The following DSCAM variants were observed in gnomAD, a reference collection of about 807,000 sequenced individuals.
The protein encoded by DSCAM is cell adhesion molecule DSCAM.
A neutral mutation model predicts 217.7 loss-of-function variants in DSCAM; 47 were observed. That is an observed-to-expected ratio of 0.22 (90% CI 0.17 to 0.28). The LOEUF is 0.28. Among genes scored for constraint, DSCAM ranks in the 10% least tolerant of loss-of-function variants. The pLI, the probability that DSCAM is intolerant of heterozygous loss-of-function variation, is 1.00. For missense variants in DSCAM, 2,080 were observed against 2,618.3 expected (o/e 0.79, Z 4.49); for synonymous variants, 1,056 against 1,015.3 (o/e 1.04, Z -0.76).
intron 16 of DSCAM, among the ~76,000 whole-genome samples, chr21:40,153,115 A>T (rs1425676273): frequency 1.3e-5 from 2 of 152,130 alleles, no homozygotes; most frequent in Non-Finnish European, 2.9e-5. Context: ...AGTCTTTTTC[A>T]TCTTTGTGCG....
chr21:40,423,041 G>T (rs1483867245), intron 3 of DSCAM, among the ~76,000 whole-genome samples: 1 of 152,110 alleles, frequency 6.6e-6, no homozygotes, highest in Admixed American at 6.5e-5. Flanking sequence ...GAGCTAGAGG[G>T]GTTGACAGGC....
intron 3 of DSCAM, among the ~76,000 whole-genome samples, chr21:40,451,313 C>T (rs12481838): frequency 6.6e-6 from 1 of 152,096 alleles, no homozygotes; most frequent in Non-Finnish European, 1.5e-5. Context: ...CCCCATGGCA[C>T]TTTCTACTGG....
chr21:40,414,807 C>T (rs774950536), intron 3 of DSCAM, among the ~76,000 whole-genome samples: 14 of 152,104 alleles, frequency 9.2e-5, no homozygotes, highest in Non-Finnish European at 1.8e-4. Flanking sequence ...TCTGATAAAG[C>T]ACAAGGTAAG....
intron 32 of DSCAM, among the ~76,000 whole-genome samples, chr21:40,033,654 G>A (rs541989467): frequency 2.0e-5 from 3 of 151,822 alleles, no homozygotes; most frequent in Admixed American, 6.5e-5. Flanking sequence ...CAGGAAGCTC[G>A]AACTGGGTGG....
At chr21:40,179,949 A>G (rs1218069006) in intron 14 of DSCAM, among the ~76,000 whole-genome samples, 1 of 152,228 alleles carries the variant, frequency 6.6e-6, no homozygotes, top group Non-Finnish European at 1.5e-5. Context: ...GACAGTAGAC[A>G]GAGATGGTGC....
chr21:40,164,304 G>C (rs1488215700), intron 16 of DSCAM, among the ~76,000 whole-genome samples: 2 of 152,094 alleles, frequency 1.3e-5, no homozygotes, highest in Non-Finnish European at 2.9e-5. Flanking sequence ...CAAACTGCCT[G>C]AACACTGACA....
chr21:40,324,121 A>G (rs1356527446), intron 8 of DSCAM, among the ~76,000 whole-genome samples: 8 of 143,840 alleles, frequency 5.6e-5, no homozygotes, highest in East Asian at 2.0e-4. Context: ...AAAAAAAAAA[A>G]AAAAAAAAAA....
intron 3 of DSCAM, among the ~76,000 whole-genome samples, chr21:40,575,774 T>TA (rs201921213): frequency 0.04 from 5,805 of 145,376 alleles, 306 homozygotes; most frequent in African/African-American, 0.12. Context: ...CAAAATATAT[T>TA]AAAAAAAAAA....
intron 11 of DSCAM, among the ~76,000 whole-genome samples, chr21:40,219,793 GA>G (rs2091275150): frequency 6.6e-6 from 1 of 152,096 alleles, no homozygotes; most frequent in Admixed American, 6.6e-5. Flanking sequence ...GAAGTTAAAT[GA>G]ATTTTTTTGA....
At chr21:40,426,529 G>A (rs1383612799) in intron 3 of DSCAM, among the ~76,000 whole-genome samples, 1 of 152,070 alleles carries the variant, frequency 6.6e-6, no homozygotes, top group Non-Finnish European at 1.5e-5. Context: ...ATTGTTAAAG[G>A]TTCATAATGT....
intron 3 of DSCAM, among the ~76,000 whole-genome samples, chr21:40,533,316 A>G (rs2076464212): frequency 6.6e-6 from 1 of 152,250 alleles, no homozygotes; most frequent in Non-Finnish European, 1.5e-5. Context: ...TATTTTGCAT[A>G]TTCCAGGATA....
intron 30 of DSCAM, among the ~76,000 whole-genome samples, chr21:40,049,108 C>T (rs1451808180): frequency 1.3e-5 from 2 of 152,150 alleles, no homozygotes; most frequent in Non-Finnish European, 2.9e-5. Flanking sequence ...TGTTGGTAAA[C>T]ATCATTTAGT....
chr21:40,553,778 ATTTT>A (rs951009121), intron 3 of DSCAM, among the ~76,000 whole-genome samples: 2 of 151,968 alleles, frequency 1.3e-5, no homozygotes, highest in Non-Finnish European at 2.9e-5. Context: ...CTTCTGAATT[ATTTT>A]TTTTAACATT....
Position 40,322,288 on chromosome 21 carries a change from T to A in DSCAM, c.1784-9929A>T, listed in dbSNP as rs142095544. ...CCCAACACCTTGCTGGCAGTGACCA[T>A]CCTATTATTACTTGATCTCATTAAC... is the stretch of plus-strand genomic sequence containing the variant. On this transcript the variant is annotated intron_variant, in intron 8 of 32. Transcript: ENST00000400454. 6.3e-3 allele frequency among the ~76,000 whole-genome samples: 966 copies of A among 152,206 alleles called. 12 individuals carry two copies. Among genetic ancestry groups the A allele is most frequent in the African/African-American group, 0.021 (876 of 41,542 alleles).
intron 8 of DSCAM, among the ~76,000 whole-genome samples, chr21:40,314,113 T>A (rs1053026990): frequency 6.6e-6 from 1 of 152,162 alleles, no homozygotes; most frequent in African/African-American, 2.4e-5. Context: ...GCATAACCCA[T>A]CAGCCTCTGC....
intron 3 of DSCAM, among the ~76,000 whole-genome samples, chr21:40,666,399 C>T (rs1221165662): frequency 2.0e-5 from 3 of 152,064 alleles, no homozygotes; most frequent in Non-Finnish European, 4.4e-5. Flanking sequence ...AATAACTTAC[C>T]CAGGATCACA....
At chr21:40,029,671 T>G (rs1339725367) in intron 32 of DSCAM, among the ~76,000 whole-genome samples, 1 of 152,178 alleles carries the variant, frequency 6.6e-6, no homozygotes, top group African/African-American at 2.4e-5. Context: ...TGACCAAGGC[T>G]GGCCACCGTA....
intron 19 of DSCAM, among the ~76,000 whole-genome samples, chr21:40,126,422 AT>A (rs1271237305): frequency 2.0e-5 from 3 of 152,198 alleles, no homozygotes; most frequent in Non-Finnish European, 4.4e-5. Context: ...AGAATGGGAC[AT>A]GTGGATTTGT....
rs970851741 is a variant in DSCAM, at chr21:40,036,297, G to T, written c.5686+6074C>A. Among the ~76,000 whole-genome samples, 31 of 149,650 alleles carry T rather than the reference G, an allele frequency of 2.1e-4. No individual in the cohort carries two copies. In the South Asian group the frequency reaches 3.1e-3, roughly 15 times the overall value. ...GACTAATAAAGAGAAAAAGAGAGAA[G>T]AATCAAATAGATGCAATAAAAAATG... is the stretch of plus-strand genomic sequence containing the variant. On this transcript the variant is annotated intron_variant, in intron 32 of 32. Transcript: ENST00000400454.
Sources: gnomAD v4.1 joint callset for allele counts (sites outside exome capture counted in the v4.1 genomes callset) on GRCh38, gnomAD v4.1.1 for gene constraint, MANE v1.5 for transcripts, NCBI Gene and HGNC (gene_info 2026-07-23, HGNC 2026-07-21) for gene names.